ATG7: variants seen among roughly 807,000 people sequenced by gnomAD.
ATG7 encodes the protein autophagy related 7.
ATG7 carries 70 observed loss-of-function variants against 82.4 expected under a neutral mutation model. The observed-to-expected ratio is 0.85, with a 90% CI of 0.70 to 1.04. ATG7 has a LOEUF of 1.04. Among genes scored for constraint, ATG7 ranks in the 50% least tolerant of loss-of-function variants. ATG7 has a pLI of 0.00. For missense variants in ATG7, 792 were observed against 864.3 expected (o/e 0.92, Z 1.05); for synonymous variants, 287 against 313.0 (o/e 0.92, Z 0.88).
intron 20 of ATG7, among the ~76,000 whole-genome samples, chr3:11,547,425 C>T (rs1231607181): frequency 1.3e-5 from 2 of 152,158 alleles, no homozygotes; most frequent in Admixed American, 1.3e-4. Context: ...CCACTCGTTT[C>T]CTATTATGAA....
chr3:11,377,369 C>T (rs181657130), intron 18 of ATG7, among the ~76,000 whole-genome samples: 3 of 152,274 alleles, frequency 2.0e-5, no homozygotes, highest in Admixed American at 6.5e-5. Context: ...GCCTGCTGAA[C>T]GGTGGTGTGT....
intron 9 of ATG7, among the ~76,000 whole-genome samples, chr3:11,330,789 G>A (rs1362586845): frequency 4.6e-5 from 7 of 152,124 alleles, no homozygotes; most frequent in Non-Finnish European, 8.8e-5. Flanking sequence ...CTGAAGAAAC[G>A]GTATTTTAAA....
chr3:11,358,272 G>C (rs544235485), intron 14 of ATG7, 146 bp from the exon 15 acceptor site: 58 of 773,014 alleles, frequency 7.5e-5, no homozygotes, highest in Non-Finnish European at 1.1e-4. Flanking sequence ...AAGAGAGAGG[G>C]CGTGGGAAGG....
intron 9 of ATG7, among the ~76,000 whole-genome samples, chr3:11,325,762 T>C (rs1300861041): frequency 6.6e-6 from 1 of 152,172 alleles, no homozygotes; most frequent in Non-Finnish European, 1.5e-5. Flanking sequence ...GAGCAAGTGA[T>C]CCAGAATGTT....
the ATG7 span, among the ~76,000 whole-genome samples, chr3:11,571,413 G>C: frequency 6.6e-6 from 1 of 152,248 alleles, no homozygotes; most frequent in African/African-American, 2.4e-5. Flanking sequence ...GCCAGGTGCA[G>C]TGACTCACGC....
intron 20 of ATG7, among the ~76,000 whole-genome samples, chr3:11,444,300 G>A (rs962927941): frequency 2.6e-5 from 4 of 152,040 alleles, no homozygotes; most frequent in Admixed American, 6.6e-5. Context: ...CATTTCTCTG[G>A]GTGTTTCTCA....
chr3:11,544,665 C>A (rs1005783582), intron 20 of ATG7, among the ~76,000 whole-genome samples: 1 of 152,238 alleles, frequency 6.6e-6, no homozygotes, highest in Non-Finnish European at 1.5e-5. Context: ...AAGGGCCTGA[C>A]GTGCTGGAGT....
At chr3:11,548,291 T>C (rs983705120) in intron 20 of ATG7, among the ~76,000 whole-genome samples, 5 of 152,202 alleles carry the variant, frequency 3.3e-5, no homozygotes, top group South Asian at 4.1e-4. Flanking sequence ...TAGATACAAG[T>C]CTCTTATCAG....
downstream of ATG7, chr3:11,558,402 C>T: frequency 1.6e-6 from 2 of 1,284,776 alleles, no homozygotes; most frequent in Non-Finnish European, 1.0e-6. Context: ...AGTACAAAAA[C>T]AGAACACAAA....
At chr3:11,521,207 A>C (rs1374118991) in intron 20 of ATG7, among the ~76,000 whole-genome samples, 3 of 152,162 alleles carry the variant, frequency 2.0e-5, no homozygotes, top group Non-Finnish European at 2.9e-5. Context: ...TGCCATAGGC[A>C]GCCATGAGTT....
In ATG7 at chr3:11,556,147, T is replaced by C. The variant is rs927809908; in HGVS notation, c.*1304T>C. ...AGATGGCCTGCCAAACCTTTTTTTT[T>C]CTTCTTCCAGGAAAAACAGGCCACA... is the stretch of plus-strand genomic sequence containing the variant. On this transcript the variant is annotated 3_prime_UTR_variant, in exon 21 of 21. Coordinates refer to ENST00000693202, the MANE Select transcript of ATG7 (RefSeq NM_001349232.2). 1.3e-5 allele frequency: 2 copies of C among 152,698 alleles called. No individual in the cohort carries two copies. Among genetic ancestry groups the C allele is most frequent in the Admixed American group, 1.3e-4 (2 of 15,282 alleles). The allele number at this position is 152,698 out of a possible 1,614,324, so 9.5% of individuals were successfully genotyped here.
intron 19 of ATG7, among the ~76,000 whole-genome samples, chr3:11,408,700 G>T (rs773664308): frequency 6.6e-6 from 1 of 152,138 alleles, no homozygotes; most frequent in South Asian, 2.1e-4. Context: ...GGAACGCCTC[G>T]TTAAAACTGC....
chr3:11,413,289 T>G (rs1050825508), intron 19 of ATG7, among the ~76,000 whole-genome samples: 1 of 152,186 alleles, frequency 6.6e-6, no homozygotes, highest in African/African-American at 2.4e-5. Context: ...TGTGTATATT[T>G]GCTGTGGGTT....
At chr3:11,573,205 GAA>G in the ATG7 span, among the ~76,000 whole-genome samples, 3 of 145,550 alleles carry the variant, frequency 2.1e-5, no homozygotes, top group East Asian at 2.0e-4. Flanking sequence ...AGAAAGAAAA[GAA>G]GAGAGAGAGA....
At chr3:11,481,999 T>C (rs2089043686) in intron 20 of ATG7, among the ~76,000 whole-genome samples, 1 of 152,160 alleles carries the variant, frequency 6.6e-6, no homozygotes, top group Admixed American at 6.5e-5. Context: ...GCTCCTCCTG[T>C]GACAAAGGGC....
chr3:11,328,073 G>A, intron 9 of ATG7, among the ~76,000 whole-genome samples: 1 of 152,146 alleles, frequency 6.6e-6, no homozygotes, highest in Non-Finnish European at 1.5e-5. Context: ...CCATGGAGTG[G>A]ACCAGCTGCA....
At position 11,555,005 on chromosome 3, in the gene ATG7, G is replaced by C. The variant is rs937287788; in HGVS notation, c.*162G>C. ...TGCTGCCCAGGAGTGGCCAGTGTTC[G>C]GCGTTGCTCGGGATTCAAGATACCA... is the stretch of plus-strand genomic sequence containing the variant. On this transcript the variant is annotated 3_prime_UTR_variant, in exon 21 of 21. Transcript: ENST00000693202. The C allele has an allele frequency of 1.2e-6, 1 of 844,600 alleles. No homozygotes were observed. Among genetic ancestry groups the C allele is most frequent in the Non-Finnish European group, 1.8e-6 (1 of 568,124 alleles). 52.3% of individuals were successfully genotyped at this position (844,600 alleles called of 1,614,324 possible).
At chr3:11,417,345 T>C (rs1262065899) in intron 19 of ATG7, among the ~76,000 whole-genome samples, 1 of 152,218 alleles carries the variant, frequency 6.6e-6, no homozygotes, top group Non-Finnish European at 1.5e-5. Flanking sequence ...CTCATGTATT[T>C]TGATGCACTG....
rs1223067856 is a variant in ATG7, at chr3:11,541,179, C to T, written c.2080-13632C>T. On this transcript the variant is annotated intron_variant, in intron 20 of 20. Coordinates refer to ENST00000693202, the MANE Select transcript of ATG7 (RefSeq NM_001349232.2). Reference sequence around the variant, plus strand: ...CCTCCCAAAGTGCTGGGATTACAGGCGTGAGCCATCGCGCCCGGCTGGTTT... The same window carrying T: ...CCTCCCAAAGTGCTGGGATTACAGGTGTGAGCCATCGCGCCCGGCTGGTTT... 4.6e-5 allele frequency among the ~76,000 whole-genome samples: 7 copies of T among 152,184 alleles called. 1 individual carries two copies. The highest frequency in any genetic ancestry group is 4.1e-4 in the South Asian group (2 of 4,826).
Sources: allele counts gnomAD v4.1 joint callset (sites outside exome capture counted in the v4.1 genomes callset), GRCh38; gene constraint gnomAD v4.1.1; transcripts MANE v1.5; gene names NCBI Gene and HGNC (gene_info 2026-07-23, HGNC 2026-07-21).